SMYD2: variants seen among roughly 807,000 people sequenced by gnomAD.
The protein encoded by SMYD2 is N-lysine methyltransferase SMYD2.
In SMYD2, 53 loss-of-function variants were observed where a neutral mutation model predicts 59.1. The ratio of observed to expected loss-of-function variants is 0.90; its 90% CI spans 0.72 to 1.13. The LOEUF is 1.13. SMYD2 is among the 50% of genes most tolerant of loss of function. SMYD2 has a pLI of 0.00. For missense variants in SMYD2, 494 were observed against 544.7 expected, an observed-to-expected ratio of 0.91 and a Z score of 0.93; for synonymous variants, 208 against 198.8, an observed-to-expected ratio of 1.05 and a Z score of -0.39.
chr1:214,326,028 AG>A (rs1201421385), intron 6 of SMYD2, among the ~76,000 whole-genome samples: 1 of 152,008 alleles, frequency 6.6e-6, no homozygotes, highest in Non-Finnish European at 1.5e-5. Context: ...TCACGAGGTC[AG>A]GAGTTGGAGA....
intron 2 of SMYD2, among the ~76,000 whole-genome samples, chr1:214,310,627 A>C (rs183772004): frequency 7.2e-4 from 110 of 151,814 alleles, no homozygotes; most frequent in Non-Finnish European, 1.4e-3. Flanking sequence ...AGAAAAATTG[A>C]TAACATTTAA....
At chr1:214,320,901 T>C (rs73092322) in intron 5 of SMYD2, among the ~76,000 whole-genome samples, 2,387 of 152,308 alleles carry the variant, frequency 0.016, 64 homozygotes, top group African/African-American at 0.055. Flanking sequence ...GACAATAGAT[T>C]TGGCTGACAA....
chr1:214,324,625 CT>C lies in SMYD2; in HGVS notation c.535-11del. 2 of 1,596,780 alleles carry C rather than the reference CT, an allele frequency of 1.3e-6. No homozygotes were observed. The highest frequency in any genetic ancestry group is 1.7e-6 in the Non-Finnish European group (2 of 1,173,870). ...TCCAGCTCATTTTTTTCCTTTCTCC[CT>C]TTTTCTTGCTGCAGGTTAACTGTAA... On this transcript the variant is annotated splice_polypyrimidine_tract_variant and intron_variant, in intron 5 of 11. Transcript: ENST00000366957.
intron 5 of SMYD2, among the ~76,000 whole-genome samples, chr1:214,322,599 C>T (rs1394011957): frequency 6.6e-6 from 1 of 152,158 alleles, no homozygotes. Flanking sequence ...CAAGCCCCTG[C>T]GTTTGGCCCT....
chr1:214,331,914 G>A, intron 9 of SMYD2, 104 bp from the exon 10 acceptor site: 2 of 1,006,918 alleles, frequency 2.0e-6, no homozygotes, highest in Middle Eastern at 3.3e-4. Context: ...CTTTTTCATG[G>A]GGTAAGGGTG....
chr1:214,292,197 T>A (rs577771282), intron 1 of SMYD2, among the ~76,000 whole-genome samples: 165 of 152,094 alleles, frequency 1.1e-3, no homozygotes, highest in African/African-American at 3.8e-3. Context: ...GAGTCGGGGC[T>A]TCCTGATGGA....
chr1:214,282,713 C>T (rs186605284), intron 1 of SMYD2, among the ~76,000 whole-genome samples: 107 of 151,946 alleles, frequency 7.0e-4, no homozygotes, highest in African/African-American at 2.5e-3. Flanking sequence ...CTTGGGGGGA[C>T]CTGGAAAGGA....
chr1:214,317,846 G>A (rs974608971), intron 3 of SMYD2, among the ~76,000 whole-genome samples: 2 of 152,174 alleles, frequency 1.3e-5, no homozygotes, highest in Admixed American at 6.5e-5. Flanking sequence ...AGCCTACTGT[G>A]TGCATAGTAT....
intron 1 of SMYD2, among the ~76,000 whole-genome samples, chr1:214,296,228 A>G (rs1168612252): frequency 6.6e-6 from 1 of 152,252 alleles, no homozygotes; most frequent in Non-Finnish European, 1.5e-5. Flanking sequence ...TACATTTCTA[A>G]CTTGTTGATC....
chr1:214,286,364 C>T (rs927569256), intron 1 of SMYD2, among the ~76,000 whole-genome samples: 1 of 151,942 alleles, frequency 6.6e-6, no homozygotes, highest in East Asian at 1.9e-4. Context: ...CCTAGCTACA[C>T]TTGGGTAGGC....
intron 8 of SMYD2, among the ~76,000 whole-genome samples, 154 bp downstream of exon 8, chr1:214,330,432 A>G (rs1026122255): frequency 1.5e-4 from 23 of 152,216 alleles, no homozygotes; most frequent in Non-Finnish European, 2.9e-4. Flanking sequence ...TAGTTAGACC[A>G]GGTCTCTGTT....
intron 1 of SMYD2, among the ~76,000 whole-genome samples, chr1:214,298,829 G>A (rs1656773987): frequency 6.6e-6 from 1 of 152,338 alleles, no homozygotes; most frequent in South Asian, 2.1e-4. Context: ...TCTCACATCA[G>A]TTAAAATGGC....
chr1:214,297,913 A>C (rs923399173), intron 1 of SMYD2, among the ~76,000 whole-genome samples: 1 of 152,130 alleles, frequency 6.6e-6, no homozygotes, highest in Admixed American at 6.5e-5. Flanking sequence ...TGACACAAAC[A>C]AATGGAAAAA....
intron 1 of SMYD2, among the ~76,000 whole-genome samples, chr1:214,300,487 A>T (rs998507495): frequency 2.0e-5 from 3 of 152,058 alleles, no homozygotes; most frequent in African/African-American, 7.2e-5. Flanking sequence ...ATTTTGAAAA[A>T]TGATCCTGGA....
intron 6 of SMYD2, among the ~76,000 whole-genome samples, chr1:214,326,566 G>T (rs1244691040): frequency 1.3e-5 from 2 of 152,254 alleles, no homozygotes; most frequent in East Asian, 3.9e-4. Flanking sequence ...CCGAGGTCAA[G>T]ACCAGGAAGC....
intron 5 of SMYD2, among the ~76,000 whole-genome samples, chr1:214,321,506 C>G (rs370838304): frequency 2.0e-5 from 3 of 152,214 alleles, no homozygotes; most frequent in Non-Finnish European, 4.4e-5. Flanking sequence ...CACATGCCAC[C>G]GGTCCCACCT....
intron 2 of SMYD2, among the ~76,000 whole-genome samples, chr1:214,311,901 A>G (rs1446196428): frequency 6.6e-6 from 1 of 152,036 alleles, no homozygotes. Flanking sequence ...ATTTGTCTAT[A>G]GTTGTTAATG....
chr1:214,307,286 A>G (rs1054450329), intron 2 of SMYD2, among the ~76,000 whole-genome samples: 9 of 152,252 alleles, frequency 5.9e-5, no homozygotes, highest in Non-Finnish European at 1.3e-4. Flanking sequence ...ACATGATGTG[A>G]TAGATATTAA....
intron 10 of SMYD2, chr1:214,332,396 GT>G: frequency 1.8e-6 from 1 of 568,090 alleles, no homozygotes; most frequent in South Asian, 2.4e-5. Flanking sequence ...ACAGGTTGAG[GT>G]TATGCAGCGG....
Sources: allele counts gnomAD v4.1 joint callset (sites outside exome capture counted in the v4.1 genomes callset), GRCh38; gene constraint gnomAD v4.1.1; transcripts MANE v1.5; gene names NCBI Gene and HGNC (gene_info 2026-07-23, HGNC 2026-07-21).